The following KCNK2 variants were observed in gnomAD, a reference collection of about 807,000 sequenced individuals.
KCNK2 encodes the protein potassium channel subfamily K member 2.
KCNK2 carries 21 observed loss-of-function variants against 40.5 expected under a neutral mutation model. The ratio of observed to expected loss-of-function variants is 0.52; its 90% CI spans 0.37 to 0.75. The LOEUF (loss-of-function observed/expected upper bound fraction) is 0.75. KCNK2 is among the 30% of genes least tolerant of loss of function. The pLI is 0.00. For missense variants in KCNK2, 399 were observed against 531.6 expected (o/e 0.75, Z 2.45); for synonymous variants, 191 against 202.2 (o/e 0.94, Z 0.47).
intron 1 of KCNK2, among the ~76,000 whole-genome samples, chr1:215,041,782 G>A (rs1322329879): frequency 6.6e-6 from 1 of 152,170 alleles, no homozygotes; most frequent in East Asian, 1.9e-4. Context: ...AAAGGGCACA[G>A]CCTGTTAAAC....
intron 1 of KCNK2, among the ~76,000 whole-genome samples, chr1:215,010,293 T>C (rs1656331408): frequency 6.6e-6 from 1 of 152,232 alleles, no homozygotes; most frequent in African/African-American, 2.4e-5. Context: ...ATTTGCAATA[T>C]TCTTTTAGTT....
intron 1 of KCNK2, among the ~76,000 whole-genome samples, chr1:215,034,381 T>C (rs1426727420): frequency 6.6e-6 from 1 of 151,844 alleles, no homozygotes; most frequent in African/African-American, 2.4e-5. Flanking sequence ...GTGAATACAG[T>C]TACTATTTTG....
At chr1:215,045,511 TA>T (rs1334237977) in intron 1 of KCNK2, among the ~76,000 whole-genome samples, 1 of 152,230 alleles carries the variant, frequency 6.6e-6, no homozygotes, top group Non-Finnish European at 1.5e-5. Context: ...GATGACCTTG[TA>T]ATATTTGAGA....
At chr1:215,031,908 T>C (rs1346361275) in intron 1 of KCNK2, among the ~76,000 whole-genome samples, 3 of 152,196 alleles carry the variant, frequency 2.0e-5, no homozygotes, top group Non-Finnish European at 4.4e-5. Context: ...CCCAGTCCAC[T>C]TTCAAATAAC....
At chr1:215,044,967 G>A (rs1307544131) in intron 1 of KCNK2, among the ~76,000 whole-genome samples, 1 of 151,970 alleles carries the variant, frequency 6.6e-6, no homozygotes, top group Admixed American at 6.6e-5. Context: ...TCAGGAGATC[G>A]AGACCATCCT....
intron 3 of KCNK2, among the ~76,000 whole-genome samples, chr1:215,160,442 AGAG>A (rs1273972632): frequency 6.6e-6 from 1 of 152,212 alleles, no homozygotes; most frequent in East Asian, 1.9e-4. Context: ...AAGGTGAAAC[AGAG>A]AAGAAAGAAA....
intron 2 of KCNK2, among the ~76,000 whole-genome samples, chr1:215,102,921 G>A (rs1660284577): frequency 6.6e-6 from 1 of 152,002 alleles, no homozygotes; most frequent in Non-Finnish European, 1.5e-5. Context: ...GCTTAAGGAT[G>A]CATTTTTCAG....
intron 6 of KCNK2, among the ~76,000 whole-genome samples, chr1:215,223,170 C>G (rs1447419942): frequency 6.8e-6 from 1 of 146,808 alleles, no homozygotes; most frequent in Non-Finnish European, 1.5e-5. Flanking sequence ...TCTTTTGAAG[C>G]CATCCGTTAG....
At chr1:215,134,012 C>T (rs1167317689) in intron 3 of KCNK2, among the ~76,000 whole-genome samples, 2 of 152,130 alleles carry the variant, frequency 1.3e-5, no homozygotes, top group Non-Finnish European at 2.9e-5. Flanking sequence ...TACCTCTCCC[C>T]TCTAGGCGTA....
At chr1:215,230,961 T>TA (rs1666636949) in intron 6 of KCNK2, among the ~76,000 whole-genome samples, 1 of 152,134 alleles carries the variant, frequency 6.6e-6, no homozygotes, top group Non-Finnish European at 1.5e-5. Context: ...CTCCAACAAG[T>TA]CTGAGCTTTT....
intron 1 of KCNK2, among the ~76,000 whole-genome samples, chr1:215,074,006 T>C (rs1162395994): frequency 6.6e-6 from 1 of 152,194 alleles, no homozygotes; most frequent in Non-Finnish European, 1.5e-5. Flanking sequence ...AAGTTCCACA[T>C]GACTCAGTGT....
intron 5 of KCNK2, among the ~76,000 whole-genome samples, chr1:215,177,718 A>ATG (rs1325693071): frequency 6.3e-4 from 51 of 81,530 alleles, no homozygotes; most frequent in East Asian, 2.5e-3. Context: ...CTATATATAT[A>ATG]TGTGTATATA....
intron 2 of KCNK2, among the ~76,000 whole-genome samples, chr1:215,116,670 T>C (rs1660959381): frequency 6.6e-6 from 1 of 152,126 alleles, no homozygotes; most frequent in Non-Finnish European, 1.5e-5. Flanking sequence ...GATATTTACT[T>C]TTAGACGTGC....
chr1:215,146,493 G>A (rs1662421969), intron 3 of KCNK2, among the ~76,000 whole-genome samples: 1 of 152,122 alleles, frequency 6.6e-6, no homozygotes, highest in Non-Finnish European at 1.5e-5. Flanking sequence ...TGGGCCAAGA[G>A]GAAGTTTGAT....
intron 1 of KCNK2, among the ~76,000 whole-genome samples, chr1:215,067,542 G>C (rs536669338): frequency 5.9e-5 from 9 of 152,210 alleles, no homozygotes; most frequent in African/African-American, 2.2e-4. Context: ...CCCTTTCCTA[G>C]AAGACTTTGA....
intron 1 of KCNK2, among the ~76,000 whole-genome samples, chr1:215,044,791 GTGTA>G (rs1390128582): frequency 2.4e-5 from 2 of 82,328 alleles, no homozygotes; most frequent in African/African-American, 7.7e-5. Context: ...TTGGGGATAA[GTGTA>G]TGTGTGTGTG....
Position 215,091,621 on chromosome 1 carries a change from C to T in KCNK2, c.357+4943C>T, listed in dbSNP as rs541259017. Among the ~76,000 whole-genome samples, 56 of 152,178 alleles carry T rather than the reference C, an allele frequency of 3.7e-4. 2 individuals carry two copies. The South Asian group carries it at 7.9e-3, about 21-fold the overall frequency. Reference sequence around the variant, plus strand: ...AAATCAGAAGAAAATTTGTACCATCCGTGAGTTTACATTTGCTGGGGAAGG... The same window carrying T: ...AAATCAGAAGAAAATTTGTACCATCTGTGAGTTTACATTTGCTGGGGAAGG... On this transcript the variant is annotated intron_variant, in intron 2 of 6. Transcript: ENST00000444842.
At chr1:215,052,021 T>G (rs573365040) in intron 1 of KCNK2, among the ~76,000 whole-genome samples, 1 of 152,234 alleles carries the variant, frequency 6.6e-6, no homozygotes, top group South Asian at 2.1e-4. Flanking sequence ...ACCTACTATG[T>G]GCCAGGTGGC....
At chr1:215,057,267 C>A (rs1203556334) in intron 1 of KCNK2, among the ~76,000 whole-genome samples, 1 of 150,218 alleles carries the variant, frequency 6.7e-6, no homozygotes, top group Non-Finnish European at 1.5e-5. Flanking sequence ...ATAGGATAAT[C>A]ATATTTTTTT....
Sources: gnomAD v4.1 joint callset for allele counts (sites outside exome capture counted in the v4.1 genomes callset) on GRCh38, gnomAD v4.1.1 for gene constraint, MANE v1.5 for transcripts, NCBI Gene and HGNC (gene_info 2026-07-23, HGNC 2026-07-21) for gene names.